The following SRPK2 variants were observed in gnomAD, a reference collection of about 807,000 sequenced individuals.
SRPK2 encodes the protein SFRS protein kinase 2.
A neutral mutation model predicts 90.8 loss-of-function variants in SRPK2; 21 were observed. That is an observed-to-expected ratio of 0.23 (90% CI 0.16 to 0.33). SRPK2 has a LOEUF of 0.33. Ranked by LOEUF, SRPK2 falls within the 10% of genes least tolerant of loss-of-function variation. The pLI, the probability that SRPK2 is intolerant of heterozygous loss-of-function variation, is 1.00. For synonymous variants in SRPK2, 288 were observed against 311.1 expected (o/e 0.93, Z 0.78); for missense variants, 620 against 869.0 (o/e 0.71, Z 3.60).
intron 2 of SRPK2, among the ~76,000 whole-genome samples, chr7:105,210,833 A>G (rs547495726): frequency 1.6e-3 from 251 of 152,296 alleles, no homozygotes; most frequent in Middle Eastern, 0.01. Flanking sequence ...AGCAGACATC[A>G]TTTGTGAACT....
intron 11 of SRPK2, among the ~76,000 whole-genome samples, chr7:105,136,506 G>A (rs1295553906): frequency 6.6e-6 from 1 of 152,200 alleles, no homozygotes; most frequent in African/African-American, 2.4e-5. Flanking sequence ...ACTAAGAGGG[G>A]AATGAGTGGA....
intron 2 of SRPK2, among the ~76,000 whole-genome samples, chr7:105,326,238 C>G (rs1813575513): frequency 6.6e-6 from 1 of 152,242 alleles, no homozygotes; most frequent in Non-Finnish European, 1.5e-5. Context: ...ACCAACTAGA[C>G]TATTGCAACA....
At chr7:105,245,134 A>C (rs1033126976) in intron 2 of SRPK2, among the ~76,000 whole-genome samples, 2 of 151,976 alleles carry the variant, frequency 1.3e-5, no homozygotes, top group African/African-American at 2.4e-5. Context: ...TATTCAAATA[A>C]AATTTGTGTC....
At chr7:105,372,921 T>C (rs1819862616) in intron 2 of SRPK2, among the ~76,000 whole-genome samples, 1 of 152,080 alleles carries the variant, frequency 6.6e-6, no homozygotes, top group Non-Finnish European at 1.5e-5. Flanking sequence ...AAACCCTGTC[T>C]CTACTAAAAA....
intron 3 of SRPK2, chr7:105,189,325 T>G (rs906461170): frequency 1.9e-5 from 3 of 155,930 alleles, no homozygotes; most frequent in African/African-American, 7.2e-5. Context: ...GCCTGGTTTG[T>G]TGGCAAAGGC....
At chr7:105,206,220 G>A (rs1306507033) in intron 2 of SRPK2, among the ~76,000 whole-genome samples, 1 of 152,152 alleles carries the variant, frequency 6.6e-6, no homozygotes, top group African/African-American at 2.4e-5. Context: ...TGTGCTGGGG[G>A]AGGAGGGGAG....
chr7:105,312,080 TA>T (rs1431668728), intron 2 of SRPK2, among the ~76,000 whole-genome samples: 1 of 151,976 alleles, frequency 6.6e-6, no homozygotes, highest in East Asian at 1.9e-4. Flanking sequence ...CAAAAATAAA[TA>T]AAAATTAAAA....
intron 11 of SRPK2, among the ~76,000 whole-genome samples, chr7:105,138,552 A>C (rs1282739240): frequency 6.6e-6 from 1 of 152,250 alleles, no homozygotes; most frequent in Non-Finnish European, 1.5e-5. Flanking sequence ...TAATCCCAGC[A>C]TTTTGGGAAG....
At chr7:105,170,563 G>A (rs1181855467) in intron 3 of SRPK2, among the ~76,000 whole-genome samples, 5 of 151,286 alleles carry the variant, frequency 3.3e-5, no homozygotes, top group Admixed American at 6.6e-5. Flanking sequence ...GTGTGCTGGC[G>A]AACTCCTGTA....
At chr7:105,170,934 G>GGAAAGAAA (rs1554435876) in intron 3 of SRPK2, among the ~76,000 whole-genome samples, 1,379 of 28,938 alleles carry the variant, frequency 0.048, 170 homozygotes, top group African/African-American at 0.088. Flanking sequence ...AAAAGAAAAA[G>GGAAAGAAA]GAAAGAAAGA....
chr7:105,339,298 A>G (rs1815470805), intron 2 of SRPK2, among the ~76,000 whole-genome samples: 1 of 152,202 alleles, frequency 6.6e-6, no homozygotes, highest in South Asian at 2.1e-4. Context: ...TCCTCTAGTT[A>G]AATAATCCAA....
At chr7:105,360,653 T>G (rs1818320598) in intron 2 of SRPK2, among the ~76,000 whole-genome samples, 2 of 152,186 alleles carry the variant, frequency 1.3e-5, no homozygotes, top group Admixed American at 6.6e-5. Flanking sequence ...GGATATGAAA[T>G]TCTGGGTTAA....
intron 2 of SRPK2, among the ~76,000 whole-genome samples, chr7:105,300,549 A>T (rs1810415478): frequency 1.3e-5 from 2 of 152,228 alleles, no homozygotes. Flanking sequence ...GCTTCATGTC[A>T]GTATAAAATT....
chr7:105,125,129 C>CAA (rs61616576), intron 15 of SRPK2, among the ~76,000 whole-genome samples: 1,515 of 87,772 alleles, frequency 0.017, 39 homozygotes, highest in East Asian at 0.072. Flanking sequence ...GACTCCATCT[C>CAA]AAAAAAAAAA....
chr7:105,266,219 T>C (rs1049032441), intron 2 of SRPK2, among the ~76,000 whole-genome samples: 1 of 151,804 alleles, frequency 6.6e-6, no homozygotes, highest in African/African-American at 2.4e-5. Flanking sequence ...AGTGAAGGAC[T>C]CTTAAGATTC....
chr7:105,332,575 C>T (rs1436631862), intron 2 of SRPK2, among the ~76,000 whole-genome samples: 1 of 152,006 alleles, frequency 6.6e-6, no homozygotes, highest in Non-Finnish European at 1.5e-5. Context: ...ACCAGACTGG[C>T]CAACATGGTG....
chr7:105,201,830 G>A (rs556630511), intron 3 of SRPK2, among the ~76,000 whole-genome samples: 3 of 152,202 alleles, frequency 2.0e-5, no homozygotes, highest in Admixed American at 1.3e-4. Flanking sequence ...GCTGCAGTGA[G>A]CTGTGATCAC....
chr7:105,238,412 C>T (rs910318088), intron 2 of SRPK2, among the ~76,000 whole-genome samples: 1 of 152,208 alleles, frequency 6.6e-6, no homozygotes, highest in African/African-American at 2.4e-5. Context: ...GGCCCACGGC[C>T]TAGGCTCAGT....
intron 2 of SRPK2, among the ~76,000 whole-genome samples, chr7:105,286,867 TCACA>T (rs1361885818): frequency 6.6e-6 from 1 of 152,200 alleles, no homozygotes; most frequent in East Asian, 1.9e-4. Context: ...CCTAGGAGAA[TCACA>T]CAAAGATGTT....
Sources: allele counts gnomAD v4.1 joint callset (sites outside exome capture counted in the v4.1 genomes callset), GRCh38; gene constraint gnomAD v4.1.1; transcripts MANE v1.5; gene names NCBI Gene and HGNC (gene_info 2026-07-23, HGNC 2026-07-21).